The following SDE2 variants were observed in gnomAD, a reference collection of about 807,000 sequenced individuals.
SDE2 encodes the protein spliceosome associated SDE2.
In SDE2, 31 loss-of-function variants were observed where a neutral mutation model predicts 46.9. The ratio of observed to expected loss-of-function variants is 0.66; its 90% confidence interval spans 0.50 to 0.89. SDE2 has a LOEUF of 0.89. SDE2 is among the 40% of genes least tolerant of loss of function. The pLI, the probability that SDE2 is intolerant of heterozygous loss-of-function variation, is 0.00. For missense variants in SDE2, 542 were observed against 564.4 expected (o/e 0.96, Z 0.40); for synonymous variants, 205 against 204.3 (o/e 1.00, Z -0.03).
chr1:225,990,675 TATG>T (rs1275993636), intron 5 of SDE2, among the ~76,000 whole-genome samples: 2 of 152,338 alleles, frequency 1.3e-5, no homozygotes, highest in African/African-American at 2.4e-5. Flanking sequence ...CATAGTGTTA[TATG>T]ATCTTTGATT....
intron 5 of SDE2, among the ~76,000 whole-genome samples, chr1:225,990,271 T>C (rs1394016527): frequency 6.6e-6 from 1 of 152,044 alleles, no homozygotes; most frequent in African/African-American, 2.4e-5. Context: ...TCTCTAAAGC[T>C]TTATATTAAG....
chr1:225,989,522 G>C (rs534038373), intron 5 of SDE2, among the ~76,000 whole-genome samples: 1 of 151,560 alleles, frequency 6.6e-6, no homozygotes, highest in African/African-American at 2.4e-5. Flanking sequence ...CCAACTACTG[G>C]GGAGGCTGAG....
intron 4 of SDE2, among the ~76,000 whole-genome samples, chr1:225,991,566 C>T (rs1656402031): frequency 6.6e-6 from 1 of 152,136 alleles, no homozygotes; most frequent in Non-Finnish European, 1.5e-5. Flanking sequence ...TTTTTTAAAG[C>T]ACCACTGCAC....
intron 6 of SDE2, among the ~76,000 whole-genome samples, 187 bp downstream of exon 6, chr1:225,987,709 T>C (rs899287880): frequency 2.6e-5 from 4 of 152,282 alleles, no homozygotes; most frequent in East Asian, 3.9e-4. Flanking sequence ...AGTGGCAACA[T>C]AGTATAAATG....
intron 1 of SDE2, 27 bp from the exon 2 acceptor site, chr1:225,995,410 C>G: frequency 8.7e-7 from 1 of 1,151,962 alleles, no homozygotes; most frequent in East Asian, 2.3e-5. Flanking sequence ...TTTTTTAATG[C>G]CTTTTATGAG....
At chr1:225,994,460 T>C (rs993771247) in intron 2 of SDE2, among the ~76,000 whole-genome samples, 8 of 152,250 alleles carry the variant, frequency 5.3e-5, no homozygotes, top group Non-Finnish European at 1.2e-4. Flanking sequence ...CAAATCACTG[T>C]AGATTTTGAG....
At chr1:225,990,424 AT>A (rs1386334430) in intron 5 of SDE2, among the ~76,000 whole-genome samples, 2 of 152,146 alleles carry the variant, frequency 1.3e-5, no homozygotes, top group African/African-American at 2.4e-5. Context: ...CGTGGGAACT[AT>A]TTCAGGTCAT....
intron 5 of SDE2, among the ~76,000 whole-genome samples, chr1:225,989,255 C>T (rs1420343757): frequency 7.4e-5 from 11 of 149,148 alleles, no homozygotes; most frequent in African/African-American, 2.7e-4. Flanking sequence ...ATCATCGCAC[C>T]ACTGCACTCC....
intron 1 of SDE2, among the ~76,000 whole-genome samples, chr1:225,997,141 A>G (rs1369094296): frequency 6.6e-6 from 1 of 152,178 alleles, no homozygotes; most frequent in Non-Finnish European, 1.5e-5. Context: ...GCAGCTGTAC[A>G]TCGGTGTAGT....
At chr1:225,992,869 C>A in intron 3 of SDE2, 22 bp downstream of exon 3, 1 of 1,413,224 alleles carries the variant, frequency 7.1e-7, no homozygotes, top group Non-Finnish European at 1.0e-6. Context: ...CTCAAAAACA[C>A]AAAAAAAGGT....
At chr1:225,990,311 G>A (rs1050683750) in intron 5 of SDE2, among the ~76,000 whole-genome samples, 3 of 152,114 alleles carry the variant, frequency 2.0e-5, no homozygotes, top group Admixed American at 6.6e-5. Context: ...AAGGCTATAT[G>A]ACATCCTAGA....
At chr1:225,998,087 C>T (rs1038275437) in intron 1 of SDE2, among the ~76,000 whole-genome samples, 3 of 151,874 alleles carry the variant, frequency 2.0e-5, no homozygotes, top group Admixed American at 2.0e-4. Context: ...GAGATCACGC[C>T]ATTGCACTCC....
intron 5 of SDE2, among the ~76,000 whole-genome samples, chr1:225,989,964 A>G (rs547666547): frequency 3.2e-4 from 48 of 152,074 alleles, no homozygotes; most frequent in African/African-American, 1.1e-3. Context: ...AGCCCCAGCT[A>G]CTCAGGAGGC....
chr1:225,992,842 GAAAGTATATGTCTCTCCTCAA>G, intron 3 of SDE2, 28 bp downstream of exon 3: 1 of 1,045,574 alleles, frequency 9.6e-7, no homozygotes, highest in Non-Finnish European at 1.5e-6. Flanking sequence ...CTACTAATAG[GAAAGTATATGTCTCTCCTCAA>G]AAACACAAAA....
chr1:225,991,646 A>T (rs1446645849), intron 4 of SDE2, among the ~76,000 whole-genome samples: 1 of 152,166 alleles, frequency 6.6e-6, no homozygotes, highest in Non-Finnish European at 1.5e-5. Flanking sequence ...TCCCTGCGTT[A>T]GTTATTTGCA....
Position 225,991,096 on chromosome 1 carries a change from A to G in SDE2, c.641+147T>C, listed in dbSNP as rs949759953. Reference sequence around the variant, plus strand: ...CCATTACCAGTACAATGTGACAATCACTGAAACCTAAAGCTTGAAGCACTC... The same window carrying G: ...CCATTACCAGTACAATGTGACAATCGCTGAAACCTAAAGCTTGAAGCACTC... On this transcript the variant is annotated intron_variant, in intron 5 of 6. Coordinates refer to ENST00000272091, the MANE Select transcript of SDE2 (RefSeq NM_152608.4). 9 of 626,528 alleles carry G rather than the reference A, an allele frequency of 1.4e-5. No individual in the cohort carries two copies. In the African/African-American group the frequency reaches 1.5e-4, roughly 10 times the overall value. 38.8% of individuals were successfully genotyped at this position (626,528 alleles called of 1,614,324 possible). A position where few individuals can be genotyped will look rare whatever the true frequency, so the allele number is the denominator to read the frequency against.
chr1:225,999,322 T>C lies in SDE2; in HGVS notation c.-10A>G. On this transcript the variant is annotated 5_prime_UTR_variant, in exon 1 of 7. Coordinates refer to ENST00000272091, the MANE Select transcript of SDE2 (RefSeq NM_152608.4). ...CCGCGGCCTCCGCCATGTCACCGAC[T>C]ACCCGAACCTCAAGCCTCTCTGAGA... The C allele has an allele frequency of 2.5e-6, 4 of 1,610,238 alleles. No individual in the cohort carries two copies. The highest frequency in any genetic ancestry group is 1.7e-5 in the Admixed American group (1 of 59,680).
At chr1:225,986,392 A>G (rs777111905) in intron 6 of SDE2, among the ~76,000 whole-genome samples, 34 of 152,048 alleles carry the variant, frequency 2.2e-4, no homozygotes, top group Non-Finnish European at 4.1e-4. Context: ...AAAGAATGAA[A>G]ATGTCTATCT....
intron 5 of SDE2, 125 bp from the exon 6 acceptor site, chr1:225,988,513 G>A (rs1416774015): frequency 1.4e-5 from 12 of 865,928 alleles, no homozygotes; most frequent in African/African-American, 5.1e-5. Flanking sequence ...GGCAGATCAC[G>A]AAGTCAGTAG....
Sources: allele counts gnomAD v4.1 joint callset (sites outside exome capture counted in the v4.1 genomes callset), GRCh38; gene constraint gnomAD v4.1.1; transcripts MANE v1.5; gene names NCBI Gene and HGNC (gene_info 2026-07-23, HGNC 2026-07-21).